The following CPNE2 variants were observed in gnomAD, a reference collection of about 807,000 sequenced individuals.
The protein encoded by CPNE2 is copine-2.
A neutral mutation model predicts 69.7 loss-of-function variants in CPNE2; 42 were observed. The observed-to-expected ratio is 0.60, with a 90% CI of 0.47 to 0.78. CPNE2 has a LOEUF of 0.78. CPNE2 is among the 30% of genes least tolerant of loss of function. The pLI, the probability that CPNE2 is intolerant of heterozygous loss-of-function variation, is 0.00. For missense variants in CPNE2, 587 were observed against 732.0 expected (o/e 0.80, Z 2.29); for synonymous variants, 294 against 289.8 (o/e 1.01, Z -0.15).
chr16:57,137,239 T>C lies in CPNE2; in HGVS notation c.1259T>C (p.Val420Ala). The change falls in exon 14 of 16, where the codon GTG (valine) becomes GCG (alanine). Residue 420 changes from valine (V) to alanine (A), a missense_variant. Val to Ala is a moderately conservative substitution (Grantham distance 64, BLOSUM62 0). Around this residue, in one of 5 missense-constraint regions of CPNE2, gnomAD observed 185 missense variants for 252.3 expected, o/e 0.73. Transcript: ENST00000290776. ...AATTTCTCCCCCATCGTCAACCACGTGGCCCGGTTTGCGGCCCAGGCCACA... is the reference window on the plus strand; with the variant it reads ...AATTTCTCCCCCATCGTCAACCACGCGGCCCGGTTTGCGGCCCAGGCCACA... Reference protein sequence around the residue: ...PTNFSPIVNHVARFAAQATQQ... With the variant: ...PTNFSPIVNHAARFAAQATQQ... 1.2e-6 allele frequency: 2 copies of C among 1,614,208 alleles called. No individual in the cohort carries two copies. The highest frequency in any genetic ancestry group is 8.5e-7 in the Non-Finnish European group (1 of 1,180,012).
At chr16:57,124,918 G>A (rs1233808465) in intron 10 of CPNE2, 1 of 240,170 alleles carries the variant, frequency 4.2e-6, no homozygotes, top group Admixed American at 4.8e-5. Context: ...AACTCACACT[G>A]ACTGCCTCCT....
intron 10 of CPNE2, chr16:57,124,379 G>T: frequency 2.2e-6 from 1 of 456,126 alleles, no homozygotes; most frequent in Non-Finnish European, 4.4e-6. Context: ...ACTGGGCCTG[G>T]CCCTCACTAT....
chr16:57,145,928 G>C, intron 14 of CPNE2, 157 bp from the exon 15 acceptor site: 2 of 656,474 alleles, frequency 3.0e-6, no homozygotes, highest in Non-Finnish European at 5.5e-6. Context: ...GGGGTGCTGA[G>C]AGCAGGACGC....
intron 1 of CPNE2, chr16:57,093,948 A>G: frequency 2.3e-6 from 1 of 430,040 alleles, no homozygotes; most frequent in Non-Finnish European, 4.7e-6. Flanking sequence ...TATGACCAAC[A>G]GGGAACTTGG....
At chr16:57,129,134 T>C (rs1156427167) in intron 12 of CPNE2, 1 of 152,912 alleles carries the variant, frequency 6.5e-6, no homozygotes, top group Non-Finnish European at 1.5e-5. Context: ...CAGGACGAGC[T>C]GGAGGAACTG....
At chr16:57,094,097 C>A in intron 1 of CPNE2, 1 of 454,266 alleles carries the variant, frequency 2.2e-6, no homozygotes, top group African/African-American at 2.1e-5. Context: ...TCCAGGTGAG[C>A]TCCAGGACCG....
intron 14 of CPNE2, among the ~76,000 whole-genome samples, chr16:57,138,686 G>A (rs757150510): frequency 6.6e-6 from 1 of 152,074 alleles, no homozygotes; most frequent in Non-Finnish European, 1.5e-5. Context: ...TTCTCTGCCT[G>A]TTCCTGGCTG....
chr16:57,118,794 T>C (rs1186444697), intron 5 of CPNE2, among the ~76,000 whole-genome samples: 2 of 152,310 alleles, frequency 1.3e-5, no homozygotes, highest in East Asian at 3.9e-4. Context: ...ATGTGCAGGA[T>C]AGTTTCAGTT....
rs747199191 is a variant in CPNE2 at position 57,134,834 on chromosome 16, TCAGA to T, written c.1168+10_1168+13del. On this transcript the variant is annotated intron_variant, in intron 13 of 15. Coordinates refer to ENST00000290776, the MANE Select transcript of CPNE2 (RefSeq NM_152727.6). ...CCAACCCCTTCTGCTCAGGTGAGTG[TCAGA>T]CCCACCTGCAGCTGCCCTGTGTTTG... 1.2e-6 allele frequency: 2 copies of T among 1,613,736 alleles called. No homozygotes were observed. Among genetic ancestry groups the T allele is most frequent in the Non-Finnish European group, 1.7e-6 (2 of 1,179,826 alleles).
chr16:57,110,977 A>T, intron 2 of CPNE2, 55 bp downstream of exon 2: 6 of 1,520,896 alleles, frequency 3.9e-6, no homozygotes, highest in Middle Eastern at 1.7e-4. Flanking sequence ...GCTGCTGGGG[A>T]GGGGGAGTCT....
At chr16:57,120,313 G>A (rs1332551469) in intron 7 of CPNE2, among the ~76,000 whole-genome samples, 2 of 151,418 alleles carry the variant, frequency 1.3e-5, no homozygotes, top group Admixed American at 6.6e-5. Context: ...GGTGGCTCAT[G>A]CCTGTAATCC....
At chr16:57,110,959 G>T (rs1241247224) in intron 2 of CPNE2, 37 bp downstream of exon 2, 14 of 1,579,646 alleles carry the variant, frequency 8.9e-6, no homozygotes, top group Non-Finnish European at 1.2e-5. Context: ...GGGTAAGGGG[G>T]TGGCTAGGCT....
At chr16:57,136,561 A>G (rs1324276739) in intron 13 of CPNE2, among the ~76,000 whole-genome samples, 1 of 152,052 alleles carries the variant, frequency 6.6e-6, no homozygotes, top group Non-Finnish European at 1.5e-5. Context: ...TCCCATTGAC[A>G]GACAAAGACG....
chr16:57,105,895 C>T (rs1161068524), intron 1 of CPNE2, among the ~76,000 whole-genome samples: 1 of 152,170 alleles, frequency 6.6e-6, no homozygotes, highest in African/African-American at 2.4e-5. Context: ...GGGGTGGGGG[C>T]TGCCCCAGAG....
intron 13 of CPNE2, 41 bp downstream of exon 13, chr16:57,134,867 C>CG: frequency 1.2e-6 from 2 of 1,605,500 alleles, no homozygotes; most frequent in Non-Finnish European, 1.7e-6. Context: ...GTGTTTGCTA[C>CG]GGGCCTGGCC....
At chr16:57,120,954 C>T (rs1185021894) in intron 7 of CPNE2, 139 bp from the exon 8 acceptor site, 36 of 587,508 alleles carry the variant, frequency 6.1e-5, no homozygotes, top group Admixed American at 1.3e-4. Flanking sequence ...AGTTCAGGAG[C>T]TATCCAGGCC....
chr16:57,113,089 A>G (rs966259297), intron 2 of CPNE2, 199 bp from the exon 3 acceptor site: 3 of 553,308 alleles, frequency 5.4e-6, no homozygotes, highest in African/African-American at 3.8e-5. Flanking sequence ...CAAGCTGTCC[A>G]GCCCTGGGGA....
At position 57,125,960 on chromosome 16, in the gene CPNE2, G is replaced by A; in HGVS notation, c.1028G>A (p.Trp343Ter). The change falls in exon 11 of 16, where the codon TGG becomes TAG. Residue 343 changes from tryptophan to a stop codon, truncating the protein, a stop_gained. Coordinates refer to ENST00000290776, the MANE Select transcript of CPNE2 (RefSeq NM_152727.6). LOFTEE classifies it high-confidence loss of function. ...MGTNEYLSAIWAVGQIIQDYD... is the reference protein window; with the variant it reads ...MGTNEYLSAI ...ACCAACGAATATCTGTCGGCCATCT[G>A]GGCTGTTGGGCAGATCATTCAGGAC... 6.2e-7 allele frequency: 1 copy of A among 1,614,136 alleles called. No homozygotes were observed. The highest frequency in any genetic ancestry group is 2.2e-5 in the East Asian group (1 of 44,878).
At chr16:57,102,040 G>A (rs559722835) in intron 1 of CPNE2, among the ~76,000 whole-genome samples, 174 of 151,026 alleles carry the variant, frequency 1.2e-3, no homozygotes, top group African/African-American at 4.0e-3. Context: ...TTGACTTCCC[G>A]GGCTTAGGTG....
Sources: gnomAD v4.1 joint callset for allele counts (sites outside exome capture counted in the v4.1 genomes callset) on GRCh38, gnomAD v4.1.1 for gene constraint, gnomAD v4.1.1 regional missense constraint, MANE v1.5 for transcripts, NCBI Gene and HGNC (gene_info 2026-07-23, HGNC 2026-07-21) for gene names.